The following METTL15 variants were observed in gnomAD, a reference collection of about 807,000 sequenced individuals.
METTL15 encodes methyltransferase 15, mitochondrial 12S rRNA N4-cytidine.
In METTL15, 34 loss-of-function variants were observed where a neutral mutation model predicts 38.3. The observed-to-expected ratio is 0.89, with a 90% CI of 0.68 to 1.18. METTL15 has a LOEUF of 1.18. METTL15 is among the 50% of genes most tolerant of loss of function. The pLI is 0.00. For synonymous variants in METTL15, 162 were observed against 170.9 expected (o/e 0.95, Z 0.41); for missense variants, 438 against 498.4 (o/e 0.88, Z 1.15).
intron 6 of METTL15, among the ~76,000 whole-genome samples, chr11:28,324,534 A>G (rs985000982): frequency 2.0e-5 from 3 of 152,212 alleles, no homozygotes; most frequent in Non-Finnish European, 4.4e-5. Context: ...AGTGCATGCA[A>G]TCAGTTGTAT....
chr11:28,341,165 T>C (rs1393795552), intron 3 of METTL15, among the ~76,000 whole-genome samples: 1 of 152,072 alleles, frequency 6.6e-6, no homozygotes, highest in Non-Finnish European at 1.5e-5. Context: ...CATCAGGGCC[T>C]GTCAGAGGTT....
chr11:28,380,168 CT>C (rs34704753), intron 5 of METTL15, among the ~76,000 whole-genome samples: 1,384 of 124,034 alleles, frequency 0.011, 14 homozygotes, highest in African/African-American at 0.039. Flanking sequence ...CCACTTTATG[CT>C]TTTTTTTTTT....
chr11:28,297,975 T>C (rs971159817), intron 6 of METTL15, among the ~76,000 whole-genome samples: 1 of 152,108 alleles, frequency 6.6e-6, no homozygotes, highest in Non-Finnish European at 1.5e-5. Context: ...TTTTATGATA[T>C]AATTAAATAA....
At chr11:28,311,528 A>G (rs1290214043) in intron 6 of METTL15, among the ~76,000 whole-genome samples, 1 of 152,190 alleles carries the variant, frequency 6.6e-6, no homozygotes, top group Non-Finnish European at 1.5e-5. Context: ...AACCATATGT[A>G]ATTTACTTGA....
chr11:28,261,977 C>T (rs1855222830), intron 4 of METTL15, among the ~76,000 whole-genome samples: 1 of 152,138 alleles, frequency 6.6e-6, no homozygotes. Flanking sequence ...ATTCAGATCA[C>T]AGAGAACTAA....
intron 5 of METTL15, among the ~76,000 whole-genome samples, chr11:28,376,663 A>G (rs1354242977): frequency 6.6e-6 from 1 of 151,898 alleles, no homozygotes; most frequent in Non-Finnish European, 1.5e-5. Flanking sequence ...ATTTACATTT[A>G]AAGTTAATAG....
chr11:28,499,731 G>A (rs1326728913), intron 6 of METTL15, among the ~76,000 whole-genome samples: 2 of 152,026 alleles, frequency 1.3e-5, no homozygotes, highest in Admixed American at 1.3e-4. Flanking sequence ...AGACACTGTT[G>A]GGCATTTCAG....
chr11:28,184,368 A>T (rs1228687157), intron 3 of METTL15, among the ~76,000 whole-genome samples: 5 of 151,890 alleles, frequency 3.3e-5, no homozygotes, highest in Non-Finnish European at 7.4e-5. Context: ...TCAATTTTAG[A>T]TCATTCCTGC....
intron 5 of METTL15, among the ~76,000 whole-genome samples, chr11:28,409,197 A>G (rs1011672109): frequency 1.3e-5 from 2 of 151,884 alleles, no homozygotes; most frequent in Non-Finnish European, 2.9e-5. Flanking sequence ...CCTGGCTAAC[A>G]TGGTGAAACC....
chr11:28,490,389 A>G (rs1214177202), intron 6 of METTL15, among the ~76,000 whole-genome samples: 2 of 152,090 alleles, frequency 1.3e-5, no homozygotes, highest in African/African-American at 4.8e-5. Flanking sequence ...TCTATCTCTT[A>G]ATAATGCTCT....
intron 5 of METTL15, among the ~76,000 whole-genome samples, chr11:28,376,783 T>C (rs1404988897): frequency 6.6e-6 from 1 of 151,052 alleles, no homozygotes; most frequent in Non-Finnish European, 1.5e-5. Context: ...GGCATGACTT[T>C]GCAGCGGCTG....
chr11:28,263,553 AT>A (rs1855294015), intron 4 of METTL15, among the ~76,000 whole-genome samples: 1 of 152,098 alleles, frequency 6.6e-6, no homozygotes, highest in Non-Finnish European at 1.5e-5. Flanking sequence ...TTATTATATA[AT>A]TAATCATTCT....
At chr11:28,518,713 A>G (rs1198981850) in intron 6 of METTL15, among the ~76,000 whole-genome samples, 2 of 152,198 alleles carry the variant, frequency 1.3e-5, no homozygotes, top group African/African-American at 4.8e-5. Context: ...ATTTTAAACA[A>G]TTTGAAAACT....
chr11:28,438,856 T>C (rs1354822326), intron 6 of METTL15, among the ~76,000 whole-genome samples: 1 of 151,690 alleles, frequency 6.6e-6, no homozygotes, highest in African/African-American at 2.4e-5. Context: ...TGTATTTTAG[T>C]AGAGACGGGG....
chr11:28,320,388 A>G (rs1288863703), intron 6 of METTL15, among the ~76,000 whole-genome samples: 1 of 151,920 alleles, frequency 6.6e-6, no homozygotes, highest in East Asian at 1.9e-4. Context: ...GCGAGACCCT[A>G]TCTCTACACA....
intron 4 of METTL15, among the ~76,000 whole-genome samples, chr11:28,218,494 T>C (rs962767229): frequency 6.6e-6 from 1 of 152,198 alleles, no homozygotes; most frequent in Non-Finnish European, 1.5e-5. Flanking sequence ...TACAATCATG[T>C]CATCTGCAAA....
At chr11:28,495,489 C>T (rs1410653869) in intron 6 of METTL15, among the ~76,000 whole-genome samples, 1 of 152,200 alleles carries the variant, frequency 6.6e-6, no homozygotes, top group African/African-American at 2.4e-5. Flanking sequence ...CCACTACCAT[C>T]TCGGCTCCTC....
intron 4 of METTL15, among the ~76,000 whole-genome samples, chr11:28,226,653 C>G (rs937379373): frequency 6.6e-6 from 1 of 151,816 alleles, no homozygotes; most frequent in Non-Finnish European, 1.5e-5. Context: ...TGCTTGTATT[C>G]CTTCTACACC....
intron 5 of METTL15, among the ~76,000 whole-genome samples, chr11:28,413,649 T>C (rs1432084549): frequency 6.6e-6 from 1 of 152,160 alleles, no homozygotes; most frequent in Non-Finnish European, 1.5e-5. Context: ...TCAGATGGAT[T>C]GAAGGAATAG....
Sources: gnomAD v4.1 joint callset for allele counts (sites outside exome capture counted in the v4.1 genomes callset) on GRCh38, gnomAD v4.1.1 for gene constraint, MANE v1.5 for transcripts, NCBI Gene and HGNC (gene_info 2026-07-23, HGNC 2026-07-21) for gene names.